Variants in CNTN5 observed in about 807,000 individuals in gnomAD.
The protein encoded by CNTN5 is contactin-5.
In CNTN5, 77 loss-of-function variants were observed where a neutral mutation model predicts 129.1. The observed-to-expected ratio is 0.60, with a 90% CI of 0.50 to 0.72. The LOEUF is 0.72. Ranked by LOEUF, CNTN5 falls within the 30% of genes least tolerant of loss-of-function variation. The pLI is 0.00. For synonymous variants in CNTN5, 509 were observed against 465.6 expected, an observed-to-expected ratio of 1.09 and a Z score of -1.20; for missense variants, 1,478 against 1,328.8, an observed-to-expected ratio of 1.11 and a Z score of -1.75.
At chr11:99,416,655 C>T (rs1157465396) in intron 2 of CNTN5, among the ~76,000 whole-genome samples, 1 of 151,938 alleles carries the variant, frequency 6.6e-6, no homozygotes, top group East Asian at 1.9e-4. Flanking sequence ...TTTACCAAGA[C>T]AGTTGTAGGT....
chr11:100,095,604 G>T (rs576906933), intron 13 of CNTN5, among the ~76,000 whole-genome samples: 1 of 152,034 alleles, frequency 6.6e-6, no homozygotes, highest in Non-Finnish European at 1.5e-5. Context: ...TAGGTAAAAG[G>T]CTCTATTTGA....
intron 3 of CNTN5, among the ~76,000 whole-genome samples, chr11:99,584,584 C>G (rs559678044): frequency 6.6e-6 from 1 of 152,072 alleles, no homozygotes; most frequent in African/African-American, 2.4e-5. Context: ...TTGTCTCACT[C>G]AATAATATCT....
intron 9 of CNTN5, among the ~76,000 whole-genome samples, chr11:100,026,810 A>T (rs765032521): frequency 6.6e-6 from 1 of 151,906 alleles, no homozygotes; most frequent in Non-Finnish European, 1.5e-5. Context: ...AAATATTTTC[A>T]CTTAGTTTGT....
chr11:99,432,251 A>T (rs145543005), intron 2 of CNTN5, among the ~76,000 whole-genome samples: 2,790 of 152,234 alleles, frequency 0.018, 50 homozygotes, highest in South Asian at 0.035. Context: ...ATTCACTTAC[A>T]TGAGAAAAAC....
At chr11:99,919,568 T>C (rs188780740) in intron 7 of CNTN5, among the ~76,000 whole-genome samples, 1 of 152,274 alleles carries the variant, frequency 6.6e-6, no homozygotes, top group African/African-American at 2.4e-5. Flanking sequence ...CCTATTTTTG[T>C]CTCTACTCTC....
chr11:100,057,254 A>G (rs530477547), intron 9 of CNTN5, among the ~76,000 whole-genome samples: 1 of 148,086 alleles, frequency 6.8e-6, no homozygotes, highest in South Asian at 2.1e-4. Flanking sequence ...GTATAAATAT[A>G]TAAATATATA....
intron 21 of CNTN5, among the ~76,000 whole-genome samples, chr11:100,333,488 G>A (rs1439978112): frequency 7.0e-6 from 1 of 143,140 alleles, no homozygotes; most frequent in Non-Finnish European, 1.5e-5. Context: ...GCAAGACTAA[G>A]CAACAAGAAC....
intron 3 of CNTN5, among the ~76,000 whole-genome samples, chr11:99,593,797 G>T (rs1034773794): frequency 6.6e-6 from 1 of 152,120 alleles, no homozygotes; most frequent in African/African-American, 2.4e-5. Context: ...TGTAACTTCT[G>T]CCAGATTCCC....
At chr11:99,587,202 C>T (rs886225374) in intron 3 of CNTN5, among the ~76,000 whole-genome samples, 1 of 152,162 alleles carries the variant, frequency 6.6e-6, no homozygotes, top group African/African-American at 2.4e-5. Context: ...TCTCTGACAA[C>T]AGAGAGAGAA....
At chr11:100,286,955 G>C (rs1297735474) in intron 18 of CNTN5, among the ~76,000 whole-genome samples, 2 of 151,802 alleles carry the variant, frequency 1.3e-5, no homozygotes, top group African/African-American at 4.9e-5. Flanking sequence ...ACTACGTGAA[G>C]AATGCAGAAG....
intron 9 of CNTN5, among the ~76,000 whole-genome samples, chr11:100,030,862 T>G (rs1941671386): frequency 6.6e-6 from 1 of 152,182 alleles, no homozygotes; most frequent in African/African-American, 2.4e-5. Flanking sequence ...CATACCTATA[T>G]AGTGATAGAA....
Position 99,432,464 on chromosome 11 carries a change from CCTTTT to C in CNTN5, c.-71+107010_-71+107014del, listed in dbSNP as rs57219988. 1.8e-3 allele frequency among the ~76,000 whole-genome samples: 212 copies of C among 116,420 alleles called. 1 individual carries two copies. The highest frequency in any genetic ancestry group is 5.7e-3 in the African/African-American group (178 of 31,280). 76.4% of individuals were successfully genotyped at this position (116,420 alleles called of 152,430 possible). A position where few individuals can be genotyped will look rare whatever the true frequency, so the allele number is the denominator to read the frequency against. ...CCTTTTCTTTTCTTTTCTTTTCTTT[CCTTTT>C]CTTTTCTTTTCTTTTCTTTTCTTTT... On this transcript the variant is annotated intron_variant, in intron 2 of 24. Coordinates refer to ENST00000524871, the MANE Select transcript of CNTN5 (RefSeq NM_014361.4).
intron 16 of CNTN5, among the ~76,000 whole-genome samples, chr11:100,232,453 G>T (rs545252669): frequency 6.6e-6 from 1 of 152,306 alleles, no homozygotes; most frequent in African/African-American, 2.4e-5. Flanking sequence ...GCCTTGGCAA[G>T]GGCAAGTTCA....
At chr11:99,135,740 C>T (rs574245653) in intron 1 of CNTN5, among the ~76,000 whole-genome samples, 1 of 152,204 alleles carries the variant, frequency 6.6e-6, no homozygotes, top group Non-Finnish European at 1.5e-5. Context: ...CTACTAAATA[C>T]TTACATGTTT....
At chr11:99,340,495 G>A (rs545740816) in intron 2 of CNTN5, among the ~76,000 whole-genome samples, 13 of 152,280 alleles carry the variant, frequency 8.5e-5, no homozygotes, top group Non-Finnish European at 1.9e-4. Flanking sequence ...GTGAAGAATG[G>A]TGATGTAGAT....
intron 3 of CNTN5, among the ~76,000 whole-genome samples, chr11:99,747,707 T>G (rs904605237): frequency 6.6e-6 from 1 of 151,988 alleles, no homozygotes; most frequent in African/African-American, 2.4e-5. Context: ...CTCCTGACCT[T>G]GTGATCCACC....
chr11:99,262,600 CT>C (rs56941843), intron 1 of CNTN5, among the ~76,000 whole-genome samples: 20,440 of 144,688 alleles, frequency 0.14, 1,947 homozygotes, highest in African/African-American at 0.28. Flanking sequence ...TTCTTTGTTT[CT>C]TTTTTTTTTT....
chr11:100,066,857 A>G (rs530996040), intron 10 of CNTN5, among the ~76,000 whole-genome samples: 2 of 149,542 alleles, frequency 1.3e-5, no homozygotes, highest in East Asian at 4.0e-4. Context: ...AAAAGTTTAA[A>G]TGTAACCTTT....
intron 3 of CNTN5, among the ~76,000 whole-genome samples, chr11:99,709,482 G>A (rs1317826464): frequency 2.0e-5 from 3 of 151,722 alleles, no homozygotes; most frequent in Non-Finnish European, 2.9e-5. Context: ...CCCCATGTGT[G>A]CACATGCACG....
Sources: allele counts gnomAD v4.1 joint callset (sites outside exome capture counted in the v4.1 genomes callset), GRCh38; gene constraint gnomAD v4.1.1; transcripts MANE v1.5; gene names NCBI Gene and HGNC (gene_info 2026-07-23, HGNC 2026-07-21).